HSPA14: variants seen among roughly 807,000 people sequenced by gnomAD.
HSPA14 encodes heat shock 70 kDa protein 14.
A neutral mutation model predicts 65.5 loss-of-function variants in HSPA14; 37 were observed. That is an observed-to-expected ratio of 0.56 (90% CI 0.43 to 0.74). The LOEUF is 0.74. Among genes scored for constraint, HSPA14 ranks in the 30% least tolerant of loss-of-function variants. HSPA14 has a pLI of 0.00. For synonymous variants in HSPA14, 203 were observed against 214.2 expected (o/e 0.95, Z 0.46); for missense variants, 564 against 607.6 (o/e 0.93, Z 0.75).
At chr10:14,844,328 T>C in intron 3 of HSPA14, 1 of 1,045,148 alleles carries the variant, frequency 9.6e-7, no homozygotes. Flanking sequence ...TATTAATTCA[T>C]ATGGCCTTGG....
At chr10:14,841,819 C>G (rs1833975007) in intron 3 of HSPA14, among the ~76,000 whole-genome samples, 1 of 152,196 alleles carries the variant, frequency 6.6e-6, no homozygotes, top group South Asian at 2.1e-4. Context: ...CGTGGTCATG[C>G]TTGGACTCCT....
At chr10:14,839,882 G>A (rs775848389) in intron 1 of HSPA14, 23 bp from the exon 2 acceptor site, 3 of 1,584,940 alleles carry the variant, frequency 1.9e-6, no homozygotes, top group Non-Finnish European at 2.6e-6. Flanking sequence ...ATGAGACTAT[G>A]TATTTCGTGT....
intron 11 of HSPA14, 106 bp downstream of exon 11, chr10:14,867,401 A>G (rs1832816670): frequency 4.0e-6 from 3 of 756,068 alleles, no homozygotes; most frequent in African/African-American, 1.8e-5. Flanking sequence ...CCATGATGTT[A>G]CAATAAAACC....
chr10:14,852,060 C>T (rs1834112289), intron 7 of HSPA14, among the ~76,000 whole-genome samples: 1 of 152,166 alleles, frequency 6.6e-6, no homozygotes, highest in South Asian at 2.1e-4. Flanking sequence ...TTTCTATGTT[C>T]AGTTCTCTTA....
intron 1 of HSPA14, 26 bp downstream of exon 1, chr10:14,838,485 G>A (rs780878564): frequency 2.7e-5 from 43 of 1,581,384 alleles, no homozygotes; most frequent in Non-Finnish European, 3.4e-5. Flanking sequence ...GCTGGGCTAG[G>A]GCTTCATGAC....
At chr10:14,870,425 C>T (rs777228907) in intron 12 of HSPA14, among the ~76,000 whole-genome samples, 172 bp from the exon 13 acceptor site, 2 of 152,132 alleles carry the variant, frequency 1.3e-5, no homozygotes, top group Non-Finnish European at 2.9e-5. Flanking sequence ...GTTAACAAAG[C>T]TTCACTCCTA....
chr10:14,865,509 AG>A (rs1453326033), intron 10 of HSPA14, among the ~76,000 whole-genome samples: 2 of 152,206 alleles, frequency 1.3e-5, no homozygotes, highest in Non-Finnish European at 2.9e-5. Context: ...ATAAGGTGTA[AG>A]GAAGAGATCC....
At position 14,857,674 on chromosome 10, in the gene HSPA14, A is replaced by T. The variant is rs112156137; in HGVS notation, c.993+1731A>T. Among the ~76,000 whole-genome samples the T allele has an allele frequency of 9.1e-3, 1,392 of 152,150 alleles. 18 individuals carry two copies. The highest frequency in any genetic ancestry group is 0.031 in the African/African-American group (1,279 of 41,498). On this transcript the variant is annotated intron_variant, in intron 10 of 13. Transcript: ENST00000378372. Reference sequence around the variant, plus strand: ...ATGCACAGCAGTCTTCCTTTGAGGCATTTACTTCACTATTTGGTTTTGGTC... The same window carrying T: ...ATGCACAGCAGTCTTCCTTTGAGGCTTTTACTTCACTATTTGGTTTTGGTC...
At chr10:14,861,465 A>G (rs898367655) in intron 10 of HSPA14, among the ~76,000 whole-genome samples, 11 of 152,096 alleles carry the variant, frequency 7.2e-5, no homozygotes, top group Non-Finnish European at 1.5e-4. Flanking sequence ...AGCTGGGACT[A>G]CAGGTGTGTG....
chr10:14,858,821 A>G (rs1017122792), intron 10 of HSPA14, among the ~76,000 whole-genome samples: 1 of 152,172 alleles, frequency 6.6e-6, no homozygotes. Flanking sequence ...CAGATGAGGA[A>G]ACTAAGAGGT....
Position 14,842,202 on chromosome 10 carries a change from C to G in HSPA14, c.221+2045C>G, listed in dbSNP as rs1395568731. 1 of 1,535,368 alleles carries G rather than the reference C, an allele frequency of 6.5e-7. No homozygotes were observed. Among genetic ancestry groups the G allele is most frequent in the South Asian group, 1.2e-5 (1 of 83,408 alleles). ...TGAGAGGGAAGATCCTGGAGATATC[C>G]TGAGAGCACACAGAGCTTCCCCACA... On this transcript the variant is annotated intron_variant, in intron 3 of 13. Coordinates refer to ENST00000378372, the MANE Select transcript of HSPA14 (RefSeq NM_016299.4). This position sits in a 1 kb window ranked among gnomAD's most constrained non-coding sequence, Gnocchi z 5.2.
At chr10:14,848,508 T>C in intron 3 of HSPA14, 101 bp from the exon 4 acceptor site, 1 of 735,376 alleles carries the variant, frequency 1.4e-6, no homozygotes, top group South Asian at 2.0e-5. Flanking sequence ...AATATTTTAG[T>C]ATTTGTTCAG....
chr10:14,852,711 C>A (rs532149906), intron 8 of HSPA14, among the ~76,000 whole-genome samples, 180 bp downstream of exon 8: 1 of 152,260 alleles, frequency 6.6e-6, no homozygotes, highest in East Asian at 1.9e-4. Context: ...TTCAAAGAAG[C>A]AGAGGCCAGG....
At position 14,848,845 on chromosome 10, in the gene HSPA14, A is replaced by T; in HGVS notation, c.326A>T (p.Lys109Ile). 4 of 1,596,456 alleles carry T rather than the reference A, an allele frequency of 2.5e-6. No homozygotes were observed. The highest frequency in any genetic ancestry group is 3.4e-6 in the Non-Finnish European group (4 of 1,167,024). Residue 109 changes from lysine (K) to isoleucine (I), a missense_variant, in exon 5 of 14, where the codon AAA (lysine) becomes ATA (isoleucine). Physicochemically the swap from Lys to Ile is moderately radical, Grantham distance 102 (BLOSUM62 -3). Coordinates refer to ENST00000378372, the MANE Select transcript of HSPA14 (RefSeq NM_016299.4). Reference sequence around the variant, plus strand: ...GAAATAGATACTGGAGAAGAAACAAAATTTGTTAACCCAGAAGATGTTGCC... The same window carrying T: ...GAAATAGATACTGGAGAAGAAACAATATTTGTTAACCCAGAAGATGTTGCC... ...RYEIDTGEET[K>I]FVNPEDVARL...
chr10:14,851,286 G>A lies in HSPA14; in HGVS notation c.535G>A (p.Ala179Thr), dbSNP rs146276897. 10 of 1,612,468 alleles carry A rather than the reference G, an allele frequency of 6.2e-6. No individual in the cohort carries two copies. The African/African-American group carries it at 1.2e-4, about 19-fold the overall frequency. ...TCACGAACCGTCTGCAGCTCTTCTT[G>A]CTTATGGAATTGGACAAGACTCCCC... ...LIHEPSAALL[A>T]YGIGQDSPTG... The change falls in exon 7 of 14, where the codon GCT (alanine) becomes ACT (threonine). Residue 179 changes from alanine to threonine, a missense_variant. Coordinates refer to ENST00000378372, the MANE Select transcript of HSPA14 (RefSeq NM_016299.4).
intron 10 of HSPA14, among the ~76,000 whole-genome samples, chr10:14,864,331 T>A (rs1026407745): frequency 8.6e-5 from 13 of 151,292 alleles, no homozygotes; most frequent in South Asian, 2.1e-4. Context: ...TTTTTTATTT[T>A]TATATATATT....
chr10:14,842,601 C>T lies in HSPA14; in HGVS notation c.221+2444C>T. On this transcript the variant is annotated intron_variant, in intron 3 of 13. Coordinates refer to ENST00000378372, the MANE Select transcript of HSPA14 (RefSeq NM_016299.4). The surrounding 1 kb of genome is among the most constrained non-coding windows in gnomAD (Gnocchi z 5.2). ...CAGCTTCTCCGAAATCAGATAGTGA[C>T]TGACCCAGACAACTTAATGGAGGAT... 1 of 1,536,174 alleles carries T rather than the reference C, an allele frequency of 6.5e-7. No individual in the cohort carries two copies. Among genetic ancestry groups the T allele is most frequent in the Non-Finnish European group, 8.7e-7 (1 of 1,146,918 alleles).
Position 14,848,884 on chromosome 10 carries a change from G to A in HSPA14, c.365G>A (p.Ser122Asn), listed in dbSNP as rs748692573. ...NPEDVARLIF[S>N]KMKETAHSVL... ...GAAGATGTTGCCAGACTGATATTTA[G>A]TAAAATGAAAGGTATTTAGCAAAAG... Residue 122 changes from serine (S) to asparagine (N), a missense_variant, in exon 5 of 14, where the codon AGT becomes AAT. Physicochemically the swap from Ser to Asn is conservative, Grantham distance 46 (BLOSUM62 1). Transcript: ENST00000378372. 1.3e-6 allele frequency: 2 copies of A among 1,527,982 alleles called. No homozygotes were observed. Among genetic ancestry groups the A allele is most frequent in the Admixed American group, 3.4e-5 (2 of 58,372 alleles). 94.7% of individuals were successfully genotyped at this position (1,527,982 alleles called of 1,614,324 possible). A position where few individuals can be genotyped will look rare whatever the true frequency, so the allele number is the denominator to read the frequency against.
chr10:14,855,275 T>C (rs902407400), intron 9 of HSPA14, among the ~76,000 whole-genome samples: 8 of 152,184 alleles, frequency 5.3e-5, no homozygotes, highest in Admixed American at 5.2e-4. Context: ...ATTTAAGAAG[T>C]TCTGTATGAA....
Sources: gnomAD v4.1 joint callset for allele counts (sites outside exome capture counted in the v4.1 genomes callset) on GRCh38, gnomAD v4.1.1 for gene constraint, Gnocchi (gnomAD v3.1) non-coding constraint, MANE v1.5 for transcripts, NCBI Gene and HGNC (gene_info 2026-07-23, HGNC 2026-07-21) for gene names.